SUGCT: variants seen among roughly 807,000 people sequenced by gnomAD.
SUGCT encodes succinyl-CoA:glutarate CoA-transferase.
In SUGCT, 41 loss-of-function variants were observed where a neutral mutation model predicts 55.0. The observed-to-expected ratio is 0.74, with a 90% CI of 0.58 to 0.97. SUGCT has a LOEUF of 0.97. SUGCT is among the 50% of genes least tolerant of loss of function. The pLI is 0.00. For missense variants in SUGCT, 568 were observed against 547.8 expected, an observed-to-expected ratio of 1.04 and a Z score of -0.37; for synonymous variants, 187 against 200.4, an observed-to-expected ratio of 0.93 and a Z score of 0.56.
At position 40,417,767 on chromosome 7, in the gene SUGCT, A is replaced by G. The variant is rs557164243; in HGVS notation, c.817-31520A>G. Among the ~76,000 whole-genome samples the G allele has an allele frequency of 1.8e-4, 27 of 151,964 alleles. No individual in the cohort carries two copies. The East Asian group carries it at 4.4e-3, about 25-fold the overall frequency. On this transcript the variant is annotated intron_variant, in intron 9 of 13. Coordinates refer to ENST00000335693, the MANE Select transcript of SUGCT (RefSeq NM_001193313.2). Reference sequence around the variant, plus strand: ...TTATTAAATTTTTTCATGTGCTTACATATTTTTAATGTACTAGCTGTATGG... The same window carrying G: ...TTATTAAATTTTTTCATGTGCTTACGTATTTTTAATGTACTAGCTGTATGG...
rs570082071 is a variant in SUGCT at position 40,423,964 on chromosome 7, T to G, written c.817-25323T>G. Among the ~76,000 whole-genome samples the G allele has an allele frequency of 3.3e-5, 5 of 152,260 alleles. No homozygotes were observed. The East Asian group carries it at 9.6e-4, about 29-fold the overall frequency. On this transcript the variant is annotated intron_variant, in intron 9 of 13. Coordinates refer to ENST00000335693, the MANE Select transcript of SUGCT (RefSeq NM_001193313.2). Reference sequence around the variant, plus strand: ...TTTTTTTGACAAAATATTTGTTATGTGTCTCTCTTTGGACTGGTAACAGAC... The same window carrying G: ...TTTTTTTGACAAAATATTTGTTATGGGTCTCTCTTTGGACTGGTAACAGAC...
the SUGCT span, among the ~76,000 whole-genome samples, chr7:40,926,198 C>G: frequency 2.1e-4 from 32 of 152,174 alleles, no homozygotes; most frequent in South Asian, 6.2e-4. Context: ...TCTTCCCAAA[C>G]AGGACCATCC....
At chr7:41,023,708 TAAGGAGCA>T in the SUGCT span, among the ~76,000 whole-genome samples, 13,803 of 152,044 alleles carry the variant, frequency 0.091, 1,257 homozygotes, top group African/African-American at 0.23. Context: ...CAATGCTGTG[TAAGGAGCA>T]AAGGAGCAAT....
intron 5 of SUGCT, among the ~76,000 whole-genome samples, chr7:40,193,280 GTT>G (rs752659107): frequency 2.3e-5 from 2 of 87,144 alleles, no homozygotes; most frequent in Non-Finnish European, 2.1e-5. Flanking sequence ...CAATTACTGT[GTT>G]TTTTTTTTTT....
At chr7:40,216,493 C>T (rs1338566796) in intron 6 of SUGCT, among the ~76,000 whole-genome samples, 6 of 129,978 alleles carry the variant, frequency 4.6e-5, no homozygotes, top group African/African-American at 9.5e-5. Context: ...AGCAAGACTC[C>T]GTCTCAAAAA....
At chr7:40,899,124 TGAGA>T in the SUGCT span, among the ~76,000 whole-genome samples, 4 of 151,956 alleles carry the variant, frequency 2.6e-5, no homozygotes, top group South Asian at 8.3e-4. Flanking sequence ...AGGGAAGGAG[TGAGA>T]GAGTGCCCTG....
rs1786739319 is a variant in SUGCT at position 40,412,235 on chromosome 7, G to C, written c.817-37052G>C. ...ACTGCTTGTCCAAGTCCTCACAGTG[G>C]TCACTTCAGAAGCCACTCACTGTTC... On this transcript the variant is annotated intron_variant, in intron 9 of 13. Coordinates refer to ENST00000335693, the MANE Select transcript of SUGCT (RefSeq NM_001193313.2). 2.0e-5 allele frequency among the ~76,000 whole-genome samples: 3 copies of C among 152,156 alleles called. No homozygotes were observed. The South Asian group carries it at 6.2e-4, about 32-fold the overall frequency.
intron 6 of SUGCT, among the ~76,000 whole-genome samples, chr7:40,220,439 T>C (rs139698269): frequency 5.3e-5 from 8 of 152,352 alleles, no homozygotes; most frequent in Admixed American, 1.3e-4. Context: ...TCATGACTTT[T>C]TGATAAGTCT....
At chr7:40,837,027 G>A (rs1406296777) in intron 13 of SUGCT, among the ~76,000 whole-genome samples, 1 of 152,110 alleles carries the variant, frequency 6.6e-6, no homozygotes, top group African/African-American at 2.4e-5. Flanking sequence ...CTTTTCCAGA[G>A]TGACTAGAAA....
At chr7:40,768,190 T>C (rs567554604) in intron 13 of SUGCT, among the ~76,000 whole-genome samples, 1 of 152,288 alleles carries the variant, frequency 6.6e-6, no homozygotes, top group East Asian at 1.9e-4. Context: ...TCTCCTCCAT[T>C]CAGCAGGTAA....
chr7:40,287,523 G>A (rs568802345), intron 8 of SUGCT, among the ~76,000 whole-genome samples: 2 of 150,150 alleles, frequency 1.3e-5, no homozygotes, highest in South Asian at 2.1e-4. Flanking sequence ...TTAAAGTCAA[G>A]GTCTCTGTCT....
intron 5 of SUGCT, among the ~76,000 whole-genome samples, chr7:40,193,584 C>A (rs190798489): frequency 6.6e-6 from 1 of 151,450 alleles, no homozygotes; most frequent in East Asian, 2.0e-4. Flanking sequence ...CTATGCCCGG[C>A]CAATTTATTT....
At chr7:40,410,064 G>A (rs1450545905) in intron 9 of SUGCT, among the ~76,000 whole-genome samples, 6 of 151,908 alleles carry the variant, frequency 3.9e-5, no homozygotes, top group East Asian at 3.9e-4. Flanking sequence ...TAGCACGAGC[G>A]TATATAATCT....
intron 11 of SUGCT, 38 bp downstream of exon 11, chr7:40,459,236 A>C: frequency 7.7e-7 from 1 of 1,305,294 alleles, no homozygotes; most frequent in Non-Finnish European, 1.1e-6. Flanking sequence ...TTAAGAATTA[A>C]TATGTGATAA....
chr7:40,856,097 C>T (rs1435688196), intron 13 of SUGCT, among the ~76,000 whole-genome samples: 1 of 152,128 alleles, frequency 6.6e-6, no homozygotes, highest in Non-Finnish European at 1.5e-5. Flanking sequence ...CAAAACAGAC[C>T]AACTGGCATC....
At chr7:40,997,894 A>G in the SUGCT span, among the ~76,000 whole-genome samples, 2 of 152,118 alleles carry the variant, frequency 1.3e-5, no homozygotes, top group South Asian at 4.2e-4. Flanking sequence ...TGTCTTGACA[A>G]TGGTGTAGAC....
intron 8 of SUGCT, among the ~76,000 whole-genome samples, chr7:40,284,924 G>A (rs988705422): frequency 2.0e-5 from 3 of 152,102 alleles, no homozygotes; most frequent in Non-Finnish European, 2.9e-5. Flanking sequence ...AAAACTGAGC[G>A]AAATATAAGT....
At chr7:40,839,203 C>T (rs1793150705) in intron 13 of SUGCT, among the ~76,000 whole-genome samples, 1 of 151,882 alleles carries the variant, frequency 6.6e-6, no homozygotes, top group South Asian at 2.1e-4. Context: ...TATGTTGACC[C>T]CTAGTTTTCT....
chr7:40,678,303 T>C (rs1297895909), intron 12 of SUGCT, among the ~76,000 whole-genome samples: 1 of 152,192 alleles, frequency 6.6e-6, no homozygotes, highest in African/African-American at 2.4e-5. Flanking sequence ...CACTCGGCAT[T>C]GGTTTTTTGC....
Sources: gnomAD v4.1 joint callset for allele counts (sites outside exome capture counted in the v4.1 genomes callset) on GRCh38, gnomAD v4.1.1 for gene constraint, MANE v1.5 for transcripts, NCBI Gene and HGNC (gene_info 2026-07-23, HGNC 2026-07-21) for gene names.